Variants in NR1H2 observed in about 807,000 individuals in gnomAD.
The protein encoded by NR1H2 is nuclear receptor subfamily 1 group H member 2, also known as oxysterols receptor LXR-beta.
Under a neutral mutation model 51.2 loss-of-function variants are expected in NR1H2, and 33 were observed. The observed-to-expected ratio is 0.64, with a 90% CI of 0.49 to 0.86. The LOEUF (loss-of-function observed/expected upper bound fraction) is 0.86, where lower values mean the gene tolerates loss of function less well. Among genes scored for constraint, NR1H2 ranks in the 40% least tolerant of loss-of-function variants. NR1H2 has a pLI of 0.00. For missense variants in NR1H2, 592 were observed against 639.9 expected (o/e 0.93, Z 0.81); for synonymous variants, 310 against 264.3 (o/e 1.17, Z -1.68).
chr19:50,378,155 C>G lies in NR1H2; in HGVS notation c.188C>G (p.Pro63Arg), dbSNP rs2037700541. 1 of 1,608,464 alleles carries G rather than the reference C, an allele frequency of 6.2e-7. No homozygotes were observed. Among genetic ancestry groups the G allele is most frequent in the Non-Finnish European group, 8.5e-7 (1 of 1,176,572 alleles). The part of the protein sequence containing the change: ...SSACSTDWVI[P>R]DPEEEPERKR... ...CTCTACCTACCCACCCCAGTCATCC[C>G]AGATCCCGAAGAGGAACCAGAGCGC... The change falls in exon 5 of 10, where the codon CCA (proline) becomes CGA (arginine). Residue 63 changes from proline (P) to arginine (R), a missense_variant. Around this residue, in one of 3 missense-constraint regions of NR1H2, gnomAD observed 316 missense variants for 313.4 expected, o/e 1.01. Coordinates refer to ENST00000253727, the MANE Select transcript of NR1H2 (RefSeq NM_007121.7).
rs573467332 is a variant in NR1H2, at chr19:50,379,022, C to A, written c.768C>A (p.Asp256Glu). 1.9e-6 allele frequency: 3 copies of A among 1,611,454 alleles called. No individual in the cohort carries two copies. The highest frequency in any genetic ancestry group is 2.5e-6 in the Non-Finnish European group (3 of 1,179,134). The change falls in exon 7 of 10, where the codon GAC (aspartate) becomes GAA (glutamate). Residue 256 changes from aspartate (D) to glutamate (E), a missense_variant. By Grantham distance (45) the Asp-to-Glu change is conservative. Transcript: ENST00000253727. ...CCCAGCCCTGGCCCCTGGGCGCAGA[C>A]CCCCAGTCCCGAGATGCCCGCCAGC... is the stretch of plus-strand genomic sequence containing the variant. ...PKVTPWPLGADPQSRDARQQR... is the reference protein window; with the variant it reads ...PKVTPWPLGAEPQSRDARQQR...
At chr19:50,381,657 G>A (rs2037767267) in intron 8 of NR1H2, among the ~76,000 whole-genome samples, 1 of 152,206 alleles carries the variant, frequency 6.6e-6, no homozygotes, top group Admixed American at 6.5e-5. Context: ...CTTTGCCTTT[G>A]TGAAGGGGAC....
Position 50,378,842 on chromosome 19 carries a change from A to G in NR1H2, c.747+46A>G, listed in dbSNP as rs748846618. ...TTGAGTGTGACGGTCCCAATGGGGT[A>G]GAGCCAGCTGGGCCATCACCCAGGG... On this transcript the variant is annotated intron_variant, in intron 6 of 9. Coordinates refer to ENST00000253727, the MANE Select transcript of NR1H2 (RefSeq NM_007121.7). 6 of 1,590,574 alleles carry G rather than the reference A, an allele frequency of 3.8e-6. No homozygotes were observed. In the South Asian group the frequency reaches 6.9e-5, roughly 18 times the overall value.
Position 50,377,875 on chromosome 19 carries a change from G to A in NR1H2, c.181+5G>A. ...CAGCCTGCAGCACAGACTGGGGTGA[G>A]ACAGGGCCCTGGAGTTGATGTGGGG... is the stretch of plus-strand genomic sequence containing the variant. On this transcript the variant is annotated splice_donor_5th_base_variant and intron_variant, in intron 4 of 9. Transcript: ENST00000253727. The A allele has an allele frequency of 1.9e-6, 3 of 1,548,104 alleles. No individual in the cohort carries two copies. The highest frequency in any genetic ancestry group is 2.6e-6 in the Non-Finnish European group (3 of 1,152,480).
intron 6 of NR1H2, 78 bp from the exon 7 acceptor site, chr19:50,378,924 G>A (rs1568594895): frequency 1.9e-6 from 3 of 1,551,428 alleles, no homozygotes; most frequent in South Asian, 2.5e-5. Context: ...CCCCCAGGGT[G>A]CAGGCTTGGC....
At chr19:50,379,329 A>G (rs2037727037) in intron 7 of NR1H2, 148 bp downstream of exon 7, 3 of 956,204 alleles carry the variant, frequency 3.1e-6, no homozygotes, top group Admixed American at 3.0e-5. Flanking sequence ...GAAAGGAAAA[A>G]GGGTCTGAGG....
intron 9 of NR1H2, 22 bp from the exon 10 acceptor site, chr19:50,382,434 G>GA (rs746307670): frequency 3.9e-5 from 62 of 1,570,038 alleles, no homozygotes; most frequent in Non-Finnish European, 5.0e-5. Context: ...CTCAGCCAGC[G>GA]CCCACCTGCC....
Position 50,378,456 on chromosome 19 carries a change from G to C in NR1H2, c.472+17G>C. On this transcript the variant is annotated intron_variant, in intron 5 of 9. Transcript: ENST00000253727. ...GGGAGCAGTGTGAGTGCAGCGGGAG[G>C]GGGCGGTGCCGGCCTGGCCCCCCGC... The C allele has an allele frequency of 6.3e-7, 1 of 1,581,806 alleles. No individual in the cohort carries two copies. Among genetic ancestry groups the C allele is most frequent in the Non-Finnish European group, 8.6e-7 (1 of 1,161,034 alleles).
intron 9 of NR1H2, 96 bp downstream of exon 9, chr19:50,382,270 T>C: frequency 7.4e-7 from 1 of 1,348,326 alleles, no homozygotes; most frequent in South Asian, 1.4e-5. Flanking sequence ...TGCCCTCCCC[T>C]CCGCAGAGTC....
At chr19:50,380,969 C>G (rs1438912948) in intron 8 of NR1H2, among the ~76,000 whole-genome samples, 1 of 152,206 alleles carries the variant, frequency 6.6e-6, no homozygotes, top group Non-Finnish European at 1.5e-5. Flanking sequence ...TCAGAACCCT[C>G]CGCGGCTCCC....
chr19:50,377,368 G>A (rs2037683563), intron 2 of NR1H2: 1 of 479,038 alleles, frequency 2.1e-6, no homozygotes, highest in Non-Finnish European at 3.7e-6. Flanking sequence ...CAGCAGGGGC[G>A]GGGCTTAAGA....
At position 50,378,546 on chromosome 19, in the gene NR1H2, GGAA is replaced by G. The variant is rs773757199; in HGVS notation, c.506_508del (p.Lys169del). On this transcript the variant is annotated inframe_deletion, in exon 6 of 10. Transcript: ENST00000253727. ...GGCGTCCTTTCTGAAGAACAGATCC[GGAA>G]GAAGAAGATTCGGAAACAGCAGCAG... 4.6e-5 allele frequency: 72 copies of G among 1,566,074 alleles called. No homozygotes were observed. The highest frequency in any genetic ancestry group is 2.6e-4 in the South Asian group (23 of 89,050).
At position 50,382,725 on chromosome 19, in the gene NR1H2, A is replaced by G; in HGVS notation, c.*123A>G. 4 of 1,034,792 alleles carry G rather than the reference A, an allele frequency of 3.9e-6. No individual in the cohort carries two copies. Among genetic ancestry groups the G allele is most frequent in the South Asian group, 3.4e-5 (2 of 59,660 alleles). 64.1% of individuals were successfully genotyped at this position (1,034,792 alleles called of 1,614,324 possible). On this transcript the variant is annotated 3_prime_UTR_variant, in exon 10 of 10. Coordinates refer to ENST00000253727, the MANE Select transcript of NR1H2 (RefSeq NM_007121.7). ...CGAGCCTGTAGACCTATCGGCTCTC[A>G]TCCCTTGGGATAAGCCCCAGTCCAG...
rs1172753350 is a variant in NR1H2, at chr19:50,376,540, AGAG to A, written c.-158_-156del. On this transcript the variant is annotated 5_prime_UTR_variant, in exon 1 of 10. Transcript: ENST00000253727. ...GTAGCGGCGGTGTGTCAGGGGCTAA[AGAG>A]GAGGACGAAGAAAAGCAGAGCAAGG... 6.6e-6 allele frequency: 1 copy of A among 152,290 alleles called. No homozygotes were observed. The highest frequency in any genetic ancestry group is 1.5e-5 in the Non-Finnish European group (1 of 68,062). 9.4% of individuals were successfully genotyped at this position (152,290 alleles called of 1,614,324 possible).
intron 7 of NR1H2, among the ~76,000 whole-genome samples, chr19:50,379,442 T>C (rs1302076589): frequency 1.3e-5 from 2 of 149,620 alleles, no homozygotes; most frequent in Non-Finnish European, 2.9e-5. Flanking sequence ...GGATAACATA[T>C]AAGTATTGAG....
intron 2 of NR1H2, chr19:50,377,305 A>G (rs2037682319): frequency 1.0e-5 from 4 of 399,036 alleles, no homozygotes; most frequent in Admixed American, 4.6e-5. Flanking sequence ...TTAAAGGAGA[A>G]TGGGCCCTAC....
chr19:50,382,414 A>T, intron 9 of NR1H2, 42 bp from the exon 10 acceptor site: 1 of 1,549,144 alleles, frequency 6.5e-7, no homozygotes, highest in Non-Finnish European at 8.7e-7. Context: ...AAAGCCTGGC[A>T]GGGCAGGGGC....
chr19:50,378,952 G>C (rs2037719196), intron 6 of NR1H2, 50 bp from the exon 7 acceptor site: 1 of 1,563,886 alleles, frequency 6.4e-7, no homozygotes, highest in African/African-American at 1.4e-5. Context: ...TGGCCACCCA[G>C]ACTTAGGCTC....
chr19:50,379,030 C>G lies in NR1H2; in HGVS notation c.776C>G (p.Ser259Cys). ...TPWPLGADPQ[S>C]RDARQQRFAH... ...TGGCCCCTGGGCGCAGACCCCCAGT[C>G]CCGAGATGCCCGCCAGCAACGCTTT... The change falls in exon 7 of 10, where the codon TCC (serine) becomes TGC (cysteine). Residue 259 changes from serine to cysteine, a missense_variant. This residue lies in a region of NR1H2 where 102 missense variants were observed against 152.4 expected (regional missense o/e 0.67). Transcript: ENST00000253727. 1.9e-6 allele frequency: 3 copies of G among 1,612,410 alleles called. No individual in the cohort carries two copies. The highest frequency in any genetic ancestry group is 2.5e-6 in the Non-Finnish European group (3 of 1,179,518).
Sources: allele counts gnomAD v4.1 joint callset (sites outside exome capture counted in the v4.1 genomes callset), GRCh38; gene constraint gnomAD v4.1.1; regional missense constraint gnomAD v4.1.1; transcripts MANE v1.5; gene names NCBI Gene and HGNC (gene_info 2026-07-23, HGNC 2026-07-21).